Variants in CTNNA3 observed in about 807,000 individuals in gnomAD.
The protein encoded by CTNNA3 is catenin alpha 3.
Under a neutral mutation model 95.7 loss-of-function variants are expected in CTNNA3, and 76 were observed. That is an observed-to-expected ratio of 0.79 (90% CI 0.66 to 0.96). The LOEUF (loss-of-function observed/expected upper bound fraction) is 0.96. CTNNA3 is among the 40% of genes least tolerant of loss of function. The pLI is 0.00. For missense variants in CTNNA3, 1,191 were observed against 1,089.8 expected (o/e 1.09, Z -1.31); for synonymous variants, 431 against 374.4 (o/e 1.15, Z -1.74).
chr10:67,290,100 C>T (rs1246754923), intron 5 of CTNNA3, among the ~76,000 whole-genome samples: 1 of 152,170 alleles, frequency 6.6e-6, no homozygotes, highest in Non-Finnish European at 1.5e-5. Context: ...GCTACCATGC[C>T]TCACCAAAGT....
chr10:66,944,112 GTTGA>G (rs1848160448), intron 7 of CTNNA3, among the ~76,000 whole-genome samples: 1 of 152,178 alleles, frequency 6.6e-6, no homozygotes, highest in African/African-American at 2.4e-5. Context: ...AGCATATGGT[GTTGA>G]TTGATAGCAT....
At chr10:66,562,670 G>A (rs777040333) in intron 10 of CTNNA3, among the ~76,000 whole-genome samples, 16 of 151,922 alleles carry the variant, frequency 1.1e-4, no homozygotes, top group Non-Finnish European at 1.6e-4. Flanking sequence ...TATTTTTGTG[G>A]TTGTCATTGG....
At chr10:66,066,575 C>T (rs1412786369) in intron 15 of CTNNA3, among the ~76,000 whole-genome samples, 2 of 151,914 alleles carry the variant, frequency 1.3e-5, no homozygotes, top group African/African-American at 4.8e-5. Flanking sequence ...AAGCTATGGA[C>T]TAGAGTTGGA....
chr10:67,472,265 A>G (rs577820125), intron 5 of CTNNA3, among the ~76,000 whole-genome samples: 1 of 152,198 alleles, frequency 6.6e-6, no homozygotes, highest in African/African-American at 2.4e-5. Flanking sequence ...CTACACAGAG[A>G]TATGAATACT....
intron 12 of CTNNA3, among the ~76,000 whole-genome samples, chr10:66,311,931 A>G (rs2092027054): frequency 6.6e-6 from 1 of 152,180 alleles, no homozygotes; most frequent in African/African-American, 2.4e-5. Flanking sequence ...GTTTTGGTAG[A>G]TGACTTGCTA....
chr10:66,711,483 T>G (rs1229547424), intron 9 of CTNNA3, among the ~76,000 whole-genome samples: 1 of 152,102 alleles, frequency 6.6e-6, no homozygotes, highest in Non-Finnish European at 1.5e-5. Context: ...TTCCTTGTGC[T>G]TCTCTGTGTT....
chr10:66,956,441 G>C (rs983629915), intron 7 of CTNNA3, among the ~76,000 whole-genome samples: 5 of 151,926 alleles, frequency 3.3e-5, no homozygotes, highest in Non-Finnish European at 5.9e-5. Context: ...GAGTTAACTG[G>C]CTTGCAGAGC....
intron 1 of CTNNA3, among the ~76,000 whole-genome samples, chr10:67,709,770 T>C (rs1841096826): frequency 6.6e-6 from 1 of 152,120 alleles, no homozygotes; most frequent in Non-Finnish European, 1.5e-5. Flanking sequence ...CTGGTAATTT[T>C]CAGTGACCCC....
intron 12 of CTNNA3, among the ~76,000 whole-genome samples, chr10:66,374,638 G>A (rs1269772937): frequency 4.4e-5 from 5 of 113,662 alleles, no homozygotes; most frequent in African/African-American, 3.5e-5. Flanking sequence ...TTTTTGAGAC[G>A]GAGTCTCGCT....
intron 3 of CTNNA3, among the ~76,000 whole-genome samples, chr10:67,574,709 A>T (rs557844165): frequency 1.1e-4 from 16 of 151,156 alleles, no homozygotes; most frequent in African/African-American, 3.6e-4. Context: ...GCCTTCTGAC[A>T]AGCTGGGACT....
At chr10:67,619,201 A>C (rs1384003150) in intron 2 of CTNNA3, among the ~76,000 whole-genome samples, 1 of 152,232 alleles carries the variant, frequency 6.6e-6, no homozygotes, top group Non-Finnish European at 1.5e-5. Context: ...GCATCATACT[A>C]CATGACTTCA....
At chr10:66,323,567 G>T (rs376581234) in intron 12 of CTNNA3, among the ~76,000 whole-genome samples, 1 of 151,036 alleles carries the variant, frequency 6.6e-6, no homozygotes, top group Non-Finnish European at 1.5e-5. Context: ...CAGAAGAATC[G>T]CTTGAACCCA....
At chr10:66,851,647 C>T (rs911606889) in intron 7 of CTNNA3, among the ~76,000 whole-genome samples, 1 of 30,374 alleles carries the variant, frequency 3.3e-5, no homozygotes, top group Non-Finnish European at 1.1e-4. Context: ...CACACACACA[C>T]ACACACACAC....
intron 8 of CTNNA3, among the ~76,000 whole-genome samples, chr10:66,772,401 G>GCCT (rs1840125053): frequency 3.3e-5 from 5 of 149,436 alleles, no homozygotes; most frequent in Admixed American, 2.7e-4. Context: ...CTCCAGCCTG[G>GCCT]GCGGTACAGT....
chr10:66,065,264 T>C (rs961868156), intron 15 of CTNNA3, among the ~76,000 whole-genome samples: 21 of 151,976 alleles, frequency 1.4e-4, no homozygotes, highest in African/African-American at 5.1e-4. Context: ...TGTTTTCCCT[T>C]CTCACTAACC....
At chr10:66,773,639 T>C (rs1185126988) in intron 8 of CTNNA3, among the ~76,000 whole-genome samples, 1 of 152,128 alleles carries the variant, frequency 6.6e-6, no homozygotes, top group African/African-American at 2.4e-5. Flanking sequence ...CAAGACATCG[T>C]GAGATGCAAA....
chr10:67,525,158 G>GTT (rs11367001), intron 4 of CTNNA3, among the ~76,000 whole-genome samples: 37 of 147,842 alleles, frequency 2.5e-4, no homozygotes, highest in Non-Finnish European at 5.4e-4. Flanking sequence ...TTTATCCTGT[G>GTT]TTTTTTTTTT....
chr10:67,074,185 A>T (rs1471721599), intron 7 of CTNNA3, among the ~76,000 whole-genome samples: 2 of 151,548 alleles, frequency 1.3e-5, no homozygotes, highest in East Asian at 3.9e-4. Context: ...GGCACGTGCC[A>T]CCATGACCAG....
At position 67,133,366 on chromosome 10, in the gene CTNNA3, C is replaced by CATACATACAT. The variant is rs145480361; in HGVS notation, c.1047+46950_1047+46951insATGTATGTAT. Reference sequence around the variant, plus strand: ...ACAATGGTAGATACATACATACATACATATATATATATACACACACACACA... The same window carrying CATACATACAT: ...ACAATGGTAGATACATACATACATACATACATACATATATATATATATACACACACACACA... On this transcript the variant is annotated intron_variant, in intron 7 of 17. Coordinates refer to ENST00000433211, the MANE Select transcript of CTNNA3 (RefSeq NM_013266.4). Among the ~76,000 whole-genome samples, 30 of 124,586 alleles carry CATACATACAT rather than the reference C, an allele frequency of 2.4e-4. No homozygotes were observed. In the East Asian group the frequency reaches 2.7e-3, roughly 11 times the overall value. The allele number at this position is 124,586 out of a possible 152,430, so 81.7% of individuals were successfully genotyped here. A position where few individuals can be genotyped will look rare whatever the true frequency, so the allele number is the denominator to read the frequency against.
Sources: gnomAD v4.1 joint callset for allele counts (sites outside exome capture counted in the v4.1 genomes callset) on GRCh38, gnomAD v4.1.1 for gene constraint, MANE v1.5 for transcripts, NCBI Gene and HGNC (gene_info 2026-07-23, HGNC 2026-07-21) for gene names.